Variants in CPXM2 observed in about 807,000 individuals in gnomAD.
The protein encoded by CPXM2 is carboxypeptidase X, M14 family member 2.
CPXM2 carries 66 observed loss-of-function variants against 86.1 expected under a neutral mutation model. The observed-to-expected ratio is 0.77, with a 90% CI of 0.63 to 0.94. CPXM2 has a LOEUF of 0.94. CPXM2 is among the 40% of genes least tolerant of loss of function. The pLI is 0.00. For missense variants in CPXM2, 948 were observed against 1,026.3 expected (o/e 0.92, Z 1.04); for synonymous variants, 388 against 400.2 (o/e 0.97, Z 0.36).
chr10:123,798,991 A>G (rs55721423), intron 5 of CPXM2, 124 bp downstream of exon 5: 1 of 1,030,040 alleles, frequency 9.7e-7, no homozygotes, highest in South Asian at 1.4e-5. Flanking sequence ...ATCAGACTGT[A>G]GTGGTAGGTT....
At chr10:123,896,192 C>T (rs1005614252), upstream of CPXM2, among the ~76,000 whole-genome samples, 2 of 152,154 alleles carry the variant, frequency 1.3e-5, no homozygotes, top group African/African-American at 2.4e-5. Flanking sequence ...CACACCTGCT[C>T]ATTTCCCTAA....
chr10:123,819,402 G>A (rs112893181), intron 4 of CPXM2, among the ~76,000 whole-genome samples: 5,186 of 152,236 alleles, frequency 0.034, 300 homozygotes, highest in African/African-American at 0.11. Context: ...GAAGGCAAAG[G>A]GAATACAGAA....
At chr10:123,805,546 T>G (rs1419821186) in intron 4 of CPXM2, among the ~76,000 whole-genome samples, 1 of 152,210 alleles carries the variant, frequency 6.6e-6, no homozygotes, top group African/African-American at 2.4e-5. Context: ...TTAATTCCGT[T>G]GTGGACAGAG....
intron 1 of CPXM2, among the ~76,000 whole-genome samples, chr10:123,886,253 T>C (rs1028732682): frequency 6.7e-6 from 1 of 149,406 alleles, no homozygotes; most frequent in Non-Finnish European, 1.5e-5. Flanking sequence ...AAGTACTTAT[T>C]GAAATATTTA....
rs564602814 is a variant in CPXM2, at chr10:123,834,368, C to A, written c.653+7981G>T. ...GCACTGGAGATTCAAGGGCAGACAA[C>A]CCTGCCTGCTCCCCAGGAGCAACGT... On this transcript the variant is annotated intron_variant, in intron 4 of 13. Transcript: ENST00000241305. Among the ~76,000 whole-genome samples, 181 of 152,338 alleles carry A rather than the reference C, an allele frequency of 1.2e-3. 1 individual carries two copies. The highest frequency in any genetic ancestry group is 3.9e-3 in the African/African-American group (161 of 41,576).
chr10:123,783,273 C>T (rs1169690626), intron 6 of CPXM2, among the ~76,000 whole-genome samples: 1 of 152,244 alleles, frequency 6.6e-6, no homozygotes, highest in East Asian at 1.9e-4. Context: ...AACTTGCTTT[C>T]AATTTACTCT....
At chr10:123,756,683 C>A (rs146322184) in intron 12 of CPXM2, among the ~76,000 whole-genome samples, 2 of 151,014 alleles carry the variant, frequency 1.3e-5, no homozygotes, top group Non-Finnish European at 2.9e-5. Context: ...GAAAAGGAGG[C>A]TGTTAAGGTG....
chr10:123,780,127 G>T, intron 7 of CPXM2, 40 bp downstream of exon 7: 1 of 1,344,486 alleles, frequency 7.4e-7, no homozygotes, highest in South Asian at 1.2e-5. Context: ...TTGCTTTTTT[G>T]ACAAATTCCT....
At chr10:123,937,418 G>A (rs566670716) in intron 2 of CPXM2, among the ~76,000 whole-genome samples, 3 of 150,384 alleles carry the variant, frequency 2.0e-5, no homozygotes, top group East Asian at 3.9e-4. Flanking sequence ...ATGTCCATCA[G>A]CCAACAGGCA....
chr10:123,819,038 C>T (rs1847871498), intron 4 of CPXM2, among the ~76,000 whole-genome samples: 2 of 151,962 alleles, frequency 1.3e-5, no homozygotes, highest in African/African-American at 2.4e-5. Context: ...CCAGGAGACA[C>T]AACAATTCCA....
chr10:123,790,151 A>C (rs1847173661), intron 6 of CPXM2, among the ~76,000 whole-genome samples: 1 of 152,156 alleles, frequency 6.6e-6, no homozygotes, highest in African/African-American at 2.4e-5. Flanking sequence ...ATAAATAGAG[A>C]GCAGGGGTGC....
intron 6 of CPXM2, among the ~76,000 whole-genome samples, chr10:123,793,467 A>G (rs1847255112): frequency 9.6e-6 from 1 of 104,072 alleles, no homozygotes; most frequent in African/African-American, 4.4e-5. Context: ...CGTCTCAAAA[A>G]AAAAAAAAAA....
chr10:123,746,717 G>A lies in CPXM2; in HGVS notation c.*47C>T, dbSNP rs149128682. The A allele has an allele frequency of 6.3e-7, 1 of 1,584,836 alleles. No homozygotes were observed. The highest frequency in any genetic ancestry group is 8.6e-7 in the Non-Finnish European group (1 of 1,159,480). On this transcript the variant is annotated 3_prime_UTR_variant, in exon 14 of 14. Transcript: ENST00000241305. ...TCCACTATGGAGCTACTACCAGGTT[G>A]GTTTAATTTGCATGGGTCCCAGACG...
intron 6 of CPXM2, 69 bp downstream of exon 6, chr10:123,797,907 T>C: frequency 7.0e-7 from 1 of 1,419,830 alleles, no homozygotes; most frequent in South Asian, 1.8e-5. Context: ...TATTTTTATT[T>C]GTCTTGGCTG....
intron 10 of CPXM2, among the ~76,000 whole-genome samples, chr10:123,765,527 G>A (rs1049102186): frequency 2.0e-5 from 3 of 152,290 alleles, no homozygotes; most frequent in Admixed American, 6.5e-5. Flanking sequence ...AACATAGCTC[G>A]AATTCTCAAC....
At chr10:123,823,902 G>C (rs186820686) in intron 4 of CPXM2, among the ~76,000 whole-genome samples, 1 of 152,166 alleles carries the variant, frequency 6.6e-6, no homozygotes, top group African/African-American at 2.4e-5. Flanking sequence ...AGAAAAGTAT[G>C]AGACATGGGC....
chr10:123,926,519 C>A (rs891693151), intron 2 of CPXM2, among the ~76,000 whole-genome samples: 10 of 152,224 alleles, frequency 6.6e-5, no homozygotes, highest in African/African-American at 2.4e-4. Context: ...TAGAGAACAT[C>A]AATTCTGTCC....
At chr10:123,773,233 A>C in intron 7 of CPXM2, among the ~76,000 whole-genome samples, 1 of 129,458 alleles carries the variant, frequency 7.7e-6, no homozygotes, top group South Asian at 2.3e-4. Context: ...TGTGGTTATC[A>C]CTTCCCTGGT....
At chr10:123,930,124 C>G (rs1278361278) in intron 2 of CPXM2, among the ~76,000 whole-genome samples, 1 of 152,222 alleles carries the variant, frequency 6.6e-6, no homozygotes, top group African/African-American at 2.4e-5. Flanking sequence ...ACGAAGCACA[C>G]TGAAAAGGCC....
Sources: gnomAD v4.1 joint callset for allele counts (sites outside exome capture counted in the v4.1 genomes callset) on GRCh38, gnomAD v4.1.1 for gene constraint, MANE v1.5 for transcripts, NCBI Gene and HGNC (gene_info 2026-07-23, HGNC 2026-07-21) for gene names.